KCNN3: variants seen among roughly 807,000 people sequenced by gnomAD.
KCNN3 encodes the protein potassium calcium-activated channel subfamily N member 3.
In KCNN3, 16 loss-of-function variants were observed where a neutral mutation model predicts 62.9. The observed-to-expected ratio is 0.25, with a 90% confidence interval of 0.17 to 0.39. KCNN3 has a LOEUF of 0.39. Among genes scored for constraint, KCNN3 ranks in the 10% least tolerant of loss-of-function variants. The pLI is 1.00. For missense variants in KCNN3, 599 were observed against 949.4 expected, an observed-to-expected ratio of 0.63 and a Z score of 4.85; for synonymous variants, 370 against 389.2, an observed-to-expected ratio of 0.95 and a Z score of 0.58.
intron 1 of KCNN3, among the ~76,000 whole-genome samples, chr1:154,831,854 C>T (rs1271065568): frequency 6.6e-6 from 1 of 152,102 alleles, no homozygotes; most frequent in East Asian, 1.9e-4. Context: ...ATGTCAATGA[C>T]TTTGACAAGT....
rs538727884 is a variant in KCNN3, at chr1:154,869,429, T to C, written c.536A>G (p.Lys179Arg). ...PFTEIAMSSC[K>R]YSGGVMKPLS... ...GGGCTTCATGACCCCACCGCTATAC[T>C]TGCAGGAGCTCATGGCGATCTCCGT... Residue 179 changes from lysine (K) to arginine (R), a missense_variant, in exon 1 of 8, where the codon AAG (lysine) becomes AGG (arginine). Physicochemically the swap from Lys to Arg is conservative, Grantham distance 26 (BLOSUM62 2). Transcript: ENST00000271915. The surrounding 1 kb of genome is among the most constrained non-coding windows in gnomAD (Gnocchi z 6.1). The C allele has an allele frequency of 6.2e-7, 1 of 1,614,032 alleles. No homozygotes were observed. Among genetic ancestry groups the C allele is most frequent in the South Asian group, 1.1e-5 (1 of 91,080 alleles).
At chr1:154,847,393 C>T (rs932669621) in intron 1 of KCNN3, among the ~76,000 whole-genome samples, 8 of 152,192 alleles carry the variant, frequency 5.3e-5, no homozygotes, top group Non-Finnish European at 8.8e-5. Context: ...AATGCCATCA[C>T]GGAGGAAGGC....
intron 2 of KCNN3, among the ~76,000 whole-genome samples, chr1:154,776,921 A>G (rs1368468738): frequency 6.6e-6 from 1 of 152,166 alleles, no homozygotes; most frequent in Non-Finnish European, 1.5e-5. Context: ...TGAGTCTAAA[A>G]TGTAACCAGG....
chr1:154,863,281 C>A (rs1652833728), intron 1 of KCNN3, among the ~76,000 whole-genome samples: 1 of 152,124 alleles, frequency 6.6e-6, no homozygotes, highest in Non-Finnish European at 1.5e-5. Flanking sequence ...TTTCCTCACC[C>A]GAAGAAAAGG....
chr1:154,868,449 G>T, intron 1 of KCNN3: 1 of 640,276 alleles, frequency 1.6e-6, no homozygotes, highest in Non-Finnish European at 2.0e-6. Context: ...ACAGAAACTT[G>T]GGAAGAGATG....
chr1:154,830,337 G>C (rs1229335452), intron 1 of KCNN3, among the ~76,000 whole-genome samples: 1 of 152,238 alleles, frequency 6.6e-6, no homozygotes, highest in Non-Finnish European at 1.5e-5. Context: ...GTGGGGGCTA[G>C]ATTCAAACCT....
At chr1:154,854,758 T>G (rs1652449338) in intron 1 of KCNN3, among the ~76,000 whole-genome samples, 1 of 152,260 alleles carries the variant, frequency 6.6e-6, no homozygotes, top group Non-Finnish European at 1.5e-5. Context: ...CGTGTGTTTG[T>G]GTCTCAGTTT....
At chr1:154,793,468 C>A (rs943707000) in intron 2 of KCNN3, among the ~76,000 whole-genome samples, 6 of 152,272 alleles carry the variant, frequency 3.9e-5, no homozygotes, top group Non-Finnish European at 7.4e-5. Context: ...GACAAAGCCA[C>A]CAGGCTTGGG....
chr1:154,791,979 G>T (rs1034801508), intron 2 of KCNN3, among the ~76,000 whole-genome samples: 32 of 152,156 alleles, frequency 2.1e-4, no homozygotes, highest in African/African-American at 7.2e-4. Flanking sequence ...CAGGAAGATC[G>T]CAAAGGAAAC....
chr1:154,729,129 GGCTGGTGGGT>G (rs1700536237), intron 4 of KCNN3, among the ~76,000 whole-genome samples: 1 of 152,188 alleles, frequency 6.6e-6, no homozygotes, highest in Non-Finnish European at 1.5e-5. Flanking sequence ...TCTTTGAAAT[GGCTGGTGGGT>G]AGAGGGGGTG....
intron 2 of KCNN3, among the ~76,000 whole-genome samples, chr1:154,782,300 C>T (rs939190596): frequency 2.0e-5 from 3 of 152,168 alleles, no homozygotes; most frequent in African/African-American, 4.8e-5. Context: ...CACCACAGCT[C>T]GGGCCTCCGA....
chr1:154,865,654 T>C (rs1652923100), intron 1 of KCNN3, among the ~76,000 whole-genome samples: 2 of 152,146 alleles, frequency 1.3e-5, no homozygotes, highest in African/African-American at 2.4e-5. Flanking sequence ...TAACTGAACA[T>C]GCTCAGGGCA....
At chr1:154,839,279 C>T (rs1185145046) in intron 1 of KCNN3, among the ~76,000 whole-genome samples, 2 of 152,220 alleles carry the variant, frequency 1.3e-5, no homozygotes, top group Non-Finnish European at 2.9e-5. Flanking sequence ...CATCACTGCT[C>T]CAAGGCTCTG....
intron 1 of KCNN3, among the ~76,000 whole-genome samples, chr1:154,828,743 T>C (rs1392865963): frequency 6.6e-6 from 1 of 152,226 alleles, no homozygotes; most frequent in Non-Finnish European, 1.5e-5. Context: ...ATGCATTCCC[T>C]TGTAGTCAAA....
intron 4 of KCNN3, among the ~76,000 whole-genome samples, chr1:154,730,967 G>A (rs1700579569): frequency 6.6e-6 from 1 of 152,186 alleles, no homozygotes; most frequent in East Asian, 1.9e-4. Context: ...CCAGAGTAGA[G>A]CCAGGAGATG....
chr1:154,749,860 C>T (rs1349378408), intron 3 of KCNN3, among the ~76,000 whole-genome samples: 1 of 152,164 alleles, frequency 6.6e-6, no homozygotes, highest in African/African-American at 2.4e-5. Flanking sequence ...CTTGGGGAGA[C>T]TACGGGATGC....
At chr1:154,863,016 C>T (rs964569814) in intron 1 of KCNN3, among the ~76,000 whole-genome samples, 1 of 152,166 alleles carries the variant, frequency 6.6e-6, no homozygotes, top group Non-Finnish European at 1.5e-5. Flanking sequence ...GCGGTGAGCA[C>T]GACCTGCTCC....
At chr1:154,757,955 G>A (rs1452336494) in intron 3 of KCNN3, among the ~76,000 whole-genome samples, 1 of 152,134 alleles carries the variant, frequency 6.6e-6, no homozygotes, top group Non-Finnish European at 1.5e-5. Context: ...CCCCTTTCCT[G>A]GCCCAACGTC....
intron 1 of KCNN3, among the ~76,000 whole-genome samples, chr1:154,861,292 G>A (rs1652761080): frequency 6.6e-6 from 1 of 152,098 alleles, no homozygotes; most frequent in Non-Finnish European, 1.5e-5. Context: ...ACCTCTAAAA[G>A]GAAGGATATC....
Sources: allele counts gnomAD v4.1 joint callset (sites outside exome capture counted in the v4.1 genomes callset), GRCh38; gene constraint gnomAD v4.1.1; non-coding constraint Gnocchi (gnomAD v3.1); transcripts MANE v1.5; gene names NCBI Gene and HGNC (gene_info 2026-07-23, HGNC 2026-07-21).